Variants in OR10A2 observed in about 807,000 individuals in gnomAD.
OR10A2 encodes olfactory receptor family 10 subfamily A member 2.
OR10A2 carries 15 observed loss-of-function variants against 13.7 expected under a neutral mutation model. The observed-to-expected ratio is 1.10, with a 90% confidence interval of 0.73 to 1.69. The LOEUF is 1.69. Among genes scored for constraint, OR10A2 ranks in the 40% most tolerant of loss-of-function variants. The pLI is 0.00. For missense variants in OR10A2, 343 were observed against 361.1 expected, an observed-to-expected ratio of 0.95 and a Z score of 0.41; for synonymous variants, 145 against 144.7, an observed-to-expected ratio of 1.00 and a Z score of -0.02.
At position 6,872,578 on chromosome 11, in the gene OR10A2, G is replaced by A. The variant is rs1213386253; in HGVS notation, c.*1912G>A. The A allele has an allele frequency of 6.6e-6, 1 of 152,144 alleles. No homozygotes were observed. The highest frequency in any genetic ancestry group is 2.4e-5 in the African/African-American group (1 of 41,402). The allele number at this position is 152,144 out of a possible 1,614,324, so 9.4% of individuals were successfully genotyped here. A position where few individuals can be genotyped will look rare whatever the true frequency, so the allele number is the denominator to read the frequency against. ...TGGCTCACTGTAGCCTCAAACACCT[G>A]GGCTCAGGCCATCTTCCTGCCTCAG... On this transcript the variant is annotated 3_prime_UTR_variant, in exon 2 of 2. Transcript: ENST00000641461.
chr11:6,866,985 G>A lies in OR10A2; in HGVS notation c.-132-2638G>A, dbSNP rs556373940. The stretch of plus-strand genomic sequence containing the variant: ...ACCTGTTATAGTGATTTTATTTCTT[G>A]TATTTTACTTCATTATTCCTCTTAT... On this transcript the variant is annotated intron_variant, in intron 1 of 1. Transcript: ENST00000641461. Among the ~76,000 whole-genome samples, 6 of 151,908 alleles carry A rather than the reference G, an allele frequency of 3.9e-5. No homozygotes were observed. The East Asian group carries it at 5.8e-4, about 15-fold the overall frequency.
intron 1 of OR10A2, among the ~76,000 whole-genome samples, chr11:6,863,772 T>C (rs532303624): frequency 2.6e-5 from 4 of 152,236 alleles, no homozygotes; most frequent in South Asian, 4.1e-4. Context: ...ACAACAATTC[T>C]ACAGTCAGAG....
At position 6,872,431 on chromosome 11, in the gene OR10A2, C is replaced by T. The variant is rs1209946347; in HGVS notation, c.*1765C>T. Reference sequence around the variant, plus strand: ...GTACTTATTTTTACATGTTTGTCTTCCTCCAACTTTTCTGTAACTCTTCAA... The same window carrying T: ...GTACTTATTTTTACATGTTTGTCTTTCTCCAACTTTTCTGTAACTCTTCAA... On this transcript the variant is annotated 3_prime_UTR_variant, in exon 2 of 2. Coordinates refer to ENST00000641461, the MANE Select transcript of OR10A2 (RefSeq NM_001004460.2). The T allele has an allele frequency of 6.6e-6, 1 of 152,134 alleles. No homozygotes were observed. The highest frequency in any genetic ancestry group is 6.5e-5 in the Admixed American group (1 of 15,282). The allele number at this position is 152,134 out of a possible 1,614,324, so 9.4% of individuals were successfully genotyped here.
chr11:6,863,632 T>C (rs1466217016), intron 1 of OR10A2, among the ~76,000 whole-genome samples: 1 of 152,114 alleles, frequency 6.6e-6, no homozygotes, highest in East Asian at 1.9e-4. Context: ...GTCAGGAAGC[T>C]TCCAGGCCCT....
intron 1 of OR10A2, among the ~76,000 whole-genome samples, chr11:6,868,937 G>T (rs548385711): frequency 2.6e-5 from 4 of 152,166 alleles, no homozygotes; most frequent in Admixed American, 6.5e-5. Flanking sequence ...ATCTTTGTCT[G>T]TCTTCACTGT....
At position 6,870,499 on chromosome 11, in the gene OR10A2, C is replaced by G. The variant is rs1848421380; in HGVS notation, c.745C>G (p.Pro249Ala). The G allele has an allele frequency of 6.2e-7, 1 of 1,614,134 alleles. No homozygotes were observed. Among genetic ancestry groups the G allele is most frequent in the African/African-American group, 1.3e-5 (1 of 75,022 alleles). The change falls in exon 2 of 2, where the codon CCT becomes GCT. Residue 249 changes from proline (P) to alanine (A), a missense_variant. Pro to Ala is a conservative substitution (Grantham distance 27). Coordinates refer to ENST00000641461, the MANE Select transcript of OR10A2 (RefSeq NM_001004460.2). Reference sequence around the variant, plus strand: ...ATCATTAAGCCTCACCTACTTCCGGCCTAAATCAAATAATTCACCTGAGGG... The same window carrying G: ...ATCATTAAGCCTCACCTACTTCCGGGCTAAATCAAATAATTCACCTGAGGG... ...YISLSLTYFR[P>A]KSNNSPEGKK...
At position 6,870,759 on chromosome 11, in the gene OR10A2, A is replaced by G; in HGVS notation, c.*93A>G. 1 of 1,058,654 alleles carries G rather than the reference A, an allele frequency of 9.4e-7. No individual in the cohort carries two copies. The highest frequency in any genetic ancestry group is 2.4e-5 in the East Asian group (1 of 41,680). The allele number at this position is 1,058,654 out of a possible 1,614,324, so 65.6% of individuals were successfully genotyped here. A position where few individuals can be genotyped will look rare whatever the true frequency, so the allele number is the denominator to read the frequency against. On this transcript the variant is annotated 3_prime_UTR_variant, in exon 2 of 2. Coordinates refer to ENST00000641461, the MANE Select transcript of OR10A2 (RefSeq NM_001004460.2). ...TGCATCTTTCCACATCTCCAATAAG[A>G]TGAAGTCCTGTTGCTGAAATGGCTT...
Position 6,863,361 on chromosome 11 carries a change from T to C in OR10A2, c.-133+10T>C. ...TTCCTGTTGGACACAGGTAAGCCTT[T>C]TTTTTTTTTTTTTTTTTTTTTTTCC... On this transcript the variant is annotated intron_variant, in intron 1 of 1. Coordinates refer to ENST00000641461, the MANE Select transcript of OR10A2 (RefSeq NM_001004460.2). The C allele has an allele frequency of 1.1e-5, 1 of 89,954 alleles. No homozygotes were observed. The highest frequency in any genetic ancestry group is 4.1e-4 in the South Asian group (1 of 2,432). The allele number at this position is 89,954 out of a possible 1,614,324, so 5.6% of individuals were successfully genotyped here. A position where few individuals can be genotyped will look rare whatever the true frequency, so the allele number is the denominator to read the frequency against.
chr11:6,869,066 T>G (rs1438619005), intron 1 of OR10A2, among the ~76,000 whole-genome samples: 1 of 152,224 alleles, frequency 6.6e-6, no homozygotes, highest in Non-Finnish European at 1.5e-5. Context: ...TGTAATCCAA[T>G]AGATGTGGTT....
chr11:6,863,960 AT>A (rs968455268), intron 1 of OR10A2, among the ~76,000 whole-genome samples: 1 of 152,110 alleles, frequency 6.6e-6, no homozygotes, highest in African/African-American at 2.4e-5. Context: ...ACATTATAAG[AT>A]TTTTTTCCTT....
chr11:6,865,715 T>A (rs1590017687), intron 1 of OR10A2, among the ~76,000 whole-genome samples: 1 of 151,992 alleles, frequency 6.6e-6, no homozygotes, highest in African/African-American at 2.4e-5. Flanking sequence ...TTAGCAGATT[T>A]AAAAAAATCA....
intron 1 of OR10A2, among the ~76,000 whole-genome samples, chr11:6,864,420 C>A (rs1257342938): frequency 6.6e-6 from 1 of 152,006 alleles, no homozygotes; most frequent in East Asian, 1.9e-4. Flanking sequence ...TGTCCAAAAA[C>A]ATGTATGAAT....
rs60582338 is a variant in OR10A2, at chr11:6,863,358, C to CTTTTTT, written c.-133+28_-133+33dup. ...ATGTTCCTGTTGGACACAGGTAAGC[C>CTTTTTT]TTTTTTTTTTTTTTTTTTTTTTTTT... On this transcript the variant is annotated splice_region_variant and intron_variant, in intron 1 of 1. Transcript: ENST00000641461. The CTTTTTT allele has an allele frequency of 2.2e-5, 2 of 89,288 alleles. No homozygotes were observed. Among genetic ancestry groups the CTTTTTT allele is most frequent in the African/African-American group, 4.9e-5 (1 of 20,590 alleles). The allele number at this position is 89,288 out of a possible 1,614,324, so 5.5% of individuals were successfully genotyped here.
rs938431028 is a variant in OR10A2 at position 6,872,449 on chromosome 11, C to T, written c.*1783C>T. 2.6e-4 allele frequency: 39 copies of T among 152,190 alleles called. No homozygotes were observed. The highest frequency in any genetic ancestry group is 2.2e-4 in the Non-Finnish European group (15 of 68,040). The allele number at this position is 152,190 out of a possible 1,614,324, so 9.4% of individuals were successfully genotyped here. ...TTGTCTTCCTCCAACTTTTCTGTAA[C>T]TCTTCAAAAATAAGAATTGTTCAAG... On this transcript the variant is annotated 3_prime_UTR_variant, in exon 2 of 2. Transcript: ENST00000641461.
chr11:6,867,382 T>C (rs1315812862), intron 1 of OR10A2, among the ~76,000 whole-genome samples: 1 of 152,078 alleles, frequency 6.6e-6, no homozygotes, highest in Non-Finnish European at 1.5e-5. Flanking sequence ...CAGCTAATTT[T>C]TGTATTTTTA....
rs2133072512 is a variant in OR10A2, at chr11:6,874,092, TATC to T, written c.*3429_*3431del. ...AGCAGACAAGCACATTTATATCTCTTATCATTGTTTCAGTCCGTGTGAATTGTA... is the reference window on the plus strand; with the variant it reads ...AGCAGACAAGCACATTTATATCTCTTATTGTTTCAGTCCGTGTGAATTGTA... On this transcript the variant is annotated 3_prime_UTR_variant, in exon 2 of 2. Coordinates refer to ENST00000641461, the MANE Select transcript of OR10A2 (RefSeq NM_001004460.2). The T allele has an allele frequency of 6.6e-6, 1 of 152,368 alleles. No individual in the cohort carries two copies. Among genetic ancestry groups the T allele is most frequent in the Non-Finnish European group, 1.5e-5 (1 of 68,032 alleles). The allele number at this position is 152,368 out of a possible 1,614,324, so 9.4% of individuals were successfully genotyped here.
rs1848424717 is a variant in OR10A2, at chr11:6,870,691, T to C, written c.*25T>C. 2 of 1,491,054 alleles carry C rather than the reference T, an allele frequency of 1.3e-6. No individual in the cohort carries two copies. Among genetic ancestry groups the C allele is most frequent in the Non-Finnish European group, 1.8e-6 (2 of 1,108,974 alleles). The allele number at this position is 1,491,054 out of a possible 1,614,324, so 92.4% of individuals were successfully genotyped here. On this transcript the variant is annotated 3_prime_UTR_variant, in exon 2 of 2. Transcript: ENST00000641461. The stretch of plus-strand genomic sequence containing the variant: ...GACCTTAGGAAGTAAGGCTACATTT[T>C]ACTGGATGAGAAACAATCAGTCCCA...
In OR10A2 at chr11:6,870,683, C is replaced by T. The variant is rs1425468679; in HGVS notation, c.*17C>T. 1 of 1,499,566 alleles carries T rather than the reference C, an allele frequency of 6.7e-7. No homozygotes were observed. The highest frequency in any genetic ancestry group is 2.3e-5 in the East Asian group (1 of 44,038). 92.9% of individuals were successfully genotyped at this position (1,499,566 alleles called of 1,614,324 possible). A position where few individuals can be genotyped will look rare whatever the true frequency, so the allele number is the denominator to read the frequency against. On this transcript the variant is annotated 3_prime_UTR_variant, in exon 2 of 2. Transcript: ENST00000641461. ...ATCCCATAGACCTTAGGAAGTAAGG[C>T]TACATTTTACTGGATGAGAAACAAT...
intron 1 of OR10A2, among the ~76,000 whole-genome samples, chr11:6,869,357 T>A (rs889097449): frequency 8.5e-5 from 13 of 152,234 alleles, no homozygotes; most frequent in African/African-American, 3.1e-4. Flanking sequence ...AAACACTTGG[T>A]GTGTTTCATA....
Sources: gnomAD v4.1 joint callset for allele counts (sites outside exome capture counted in the v4.1 genomes callset) on GRCh38, gnomAD v4.1.1 for gene constraint, MANE v1.5 for transcripts, NCBI Gene and HGNC (gene_info 2026-07-23, HGNC 2026-07-21) for gene names.